GALNT13: variants seen among roughly 807,000 people sequenced by gnomAD.
The protein encoded by GALNT13 is polypeptide N-acetylgalactosaminyltransferase 13, also known as UDP-GalNAc:polypeptide N-acetylgalactosaminyltransferase 13.
In GALNT13, 28 loss-of-function variants were observed where a neutral mutation model predicts 64.2. The ratio of observed to expected loss-of-function variants is 0.44; its 90% CI spans 0.32 to 0.60. GALNT13 has a LOEUF of 0.60. Ranked by LOEUF, GALNT13 falls within the 20% of genes least tolerant of loss-of-function variation. GALNT13 has a pLI of 0.05. For synonymous variants in GALNT13, 214 were observed against 224.6 expected (o/e 0.95, Z 0.42); for missense variants, 577 against 669.8 (o/e 0.86, Z 1.53).
the GALNT13 span, among the ~76,000 whole-genome samples, chr2:153,614,267 ACTTAC>A: frequency 6.6e-6 from 1 of 152,036 alleles, no homozygotes; most frequent in African/African-American, 2.4e-5. Flanking sequence ...TTTATACAAT[ACTTAC>A]CTTATAGTAT....
At chr2:154,275,093 G>T (rs1691568999) in intron 8 of GALNT13, among the ~76,000 whole-genome samples, 2 of 152,134 alleles carry the variant, frequency 1.3e-5, no homozygotes, top group South Asian at 4.1e-4. Flanking sequence ...TCTGGCAGAA[G>T]AAATTTCTAA....
the GALNT13 span, among the ~76,000 whole-genome samples, chr2:153,754,134 A>G: frequency 6.6e-6 from 1 of 152,008 alleles, no homozygotes; most frequent in Non-Finnish European, 1.5e-5. Context: ...AGATTCAGAA[A>G]TGCCATTCAA....
intron 3 of GALNT13, among the ~76,000 whole-genome samples, chr2:154,036,140 T>C (rs949737939): frequency 4.6e-5 from 7 of 152,096 alleles, no homozygotes; most frequent in Non-Finnish European, 1.0e-4. Flanking sequence ...ATTGATACAG[T>C]TTGCCAGCGA....
At chr2:153,988,194 A>G (rs1449898200) in intron 3 of GALNT13, among the ~76,000 whole-genome samples, 1 of 151,658 alleles carries the variant, frequency 6.6e-6, no homozygotes, top group African/African-American at 2.4e-5. Context: ...TAATTTACTC[A>G]CCTGGTTATC....
At chr2:153,603,403 A>C in the GALNT13 span, among the ~76,000 whole-genome samples, 28 of 151,936 alleles carry the variant, frequency 1.8e-4, no homozygotes, top group African/African-American at 6.5e-4. Flanking sequence ...TACTAATTCT[A>C]ATTGAATTAG....
At chr2:154,284,747 T>A (rs1410740267) in intron 8 of GALNT13, among the ~76,000 whole-genome samples, 1 of 152,168 alleles carries the variant, frequency 6.6e-6, no homozygotes, top group African/African-American at 2.4e-5. Flanking sequence ...ATTCCAGTTT[T>A]AGCTTATTGA....
the GALNT13 span, among the ~76,000 whole-genome samples, chr2:153,516,093 A>G: frequency 6.6e-6 from 1 of 152,158 alleles, no homozygotes; most frequent in Non-Finnish European, 1.5e-5. Context: ...AAATGATATG[A>G]CTTGGATTAG....
the GALNT13 span, among the ~76,000 whole-genome samples, chr2:153,219,826 AAGCTGAG>A: frequency 6.6e-6 from 1 of 152,234 alleles, no homozygotes; most frequent in South Asian, 2.1e-4. Context: ...AGAGTGCTCA[AAGCTGAG>A]TTATTGCTGA....
chr2:153,510,505 CAAG>C, the GALNT13 span, among the ~76,000 whole-genome samples: 4 of 152,114 alleles, frequency 2.6e-5, no homozygotes, highest in African/African-American at 7.2e-5. Flanking sequence ...ACACAGGTAA[CAAG>C]GAGTGTAGGC....
At chr2:153,687,008 T>C in the GALNT13 span, among the ~76,000 whole-genome samples, 767 of 152,108 alleles carry the variant, frequency 5.0e-3, 4 homozygotes, top group Non-Finnish European at 8.6e-3. Flanking sequence ...TCATGGTGGA[T>C]AAGCCTTTTG....
chr2:153,618,054 C>A, the GALNT13 span, among the ~76,000 whole-genome samples: 2 of 151,552 alleles, frequency 1.3e-5, no homozygotes, highest in Non-Finnish European at 1.5e-5. Context: ...TGTTTCTTTT[C>A]TTCCACTAAT....
At chr2:154,229,448 AT>A (rs1407867967) in intron 4 of GALNT13, among the ~76,000 whole-genome samples, 1 of 152,076 alleles carries the variant, frequency 6.6e-6, no homozygotes, top group Non-Finnish European at 1.5e-5. Context: ...AATCTTTCAT[AT>A]TTTGCACTGA....
chr2:153,900,382 A>C (rs2105290888), intron 1 of GALNT13, among the ~76,000 whole-genome samples: 1 of 152,234 alleles, frequency 6.6e-6, no homozygotes, highest in Non-Finnish European at 1.5e-5. Context: ...CTGTTTGTGT[A>C]TTTTTGTGGG....
the GALNT13 span, among the ~76,000 whole-genome samples, chr2:153,233,952 G>A: frequency 6.6e-6 from 1 of 152,204 alleles, no homozygotes. Flanking sequence ...TATACATTTA[G>A]TTGGGTTCTA....
the GALNT13 span, among the ~76,000 whole-genome samples, chr2:153,830,423 T>C: frequency 6.6e-6 from 1 of 152,144 alleles, no homozygotes; most frequent in Non-Finnish European, 1.5e-5. Flanking sequence ...TTAGGACATA[T>C]ATTGCTATTT....
the GALNT13 span, among the ~76,000 whole-genome samples, chr2:153,294,475 T>A: frequency 6.6e-6 from 1 of 152,214 alleles, no homozygotes; most frequent in Non-Finnish European, 1.5e-5. Flanking sequence ...GAATTTTACT[T>A]ATTTTTATAT....
intron 8 of GALNT13, among the ~76,000 whole-genome samples, chr2:154,289,686 A>G (rs1473010226): frequency 6.6e-6 from 1 of 152,218 alleles, no homozygotes. Context: ...CAGCCAAAGC[A>G]TATCAATCCC....
At chr2:153,319,861 G>A in the GALNT13 span, among the ~76,000 whole-genome samples, 1 of 152,120 alleles carries the variant, frequency 6.6e-6, no homozygotes, top group African/African-American at 2.4e-5. Flanking sequence ...CAAGGAATCA[G>A]GGGAGAGGGA....
At chr2:153,261,604 C>G in the GALNT13 span, among the ~76,000 whole-genome samples, 1 of 152,170 alleles carries the variant, frequency 6.6e-6, no homozygotes, top group African/African-American at 2.4e-5. Context: ...GTGGCCACCA[C>G]TACTTGGACT....
Sources: gnomAD v4.1 joint callset for allele counts (sites outside exome capture counted in the v4.1 genomes callset) on GRCh38, gnomAD v4.1.1 for gene constraint, MANE v1.5 for transcripts, NCBI Gene and HGNC (gene_info 2026-07-23, HGNC 2026-07-21) for gene names.